The following SRPK2 variants were observed in gnomAD, a reference collection of about 807,000 sequenced individuals.
The protein encoded by SRPK2 is SFRS protein kinase 2.
In SRPK2, 21 loss-of-function variants were observed where a neutral mutation model predicts 90.8. The ratio of observed to expected loss-of-function variants is 0.23; its 90% confidence interval spans 0.16 to 0.33. The LOEUF is 0.33. SRPK2 is among the 10% of genes least tolerant of loss of function. The pLI is 1.00. For synonymous variants in SRPK2, 288 were observed against 311.1 expected, an observed-to-expected ratio of 0.93 and a Z score of 0.78; for missense variants, 620 against 869.0, an observed-to-expected ratio of 0.71 and a Z score of 3.60.
chr7:105,160,469 A>G (rs769418036), intron 7 of SRPK2, 38 bp downstream of exon 7: 1 of 1,210,340 alleles, frequency 8.3e-7, no homozygotes, highest in African/African-American at 1.5e-5. Context: ...CTAACCAATT[A>G]GGTACTAGGG....
intron 13 of SRPK2, among the ~76,000 whole-genome samples, chr7:105,129,447 T>C (rs1801682292): frequency 6.6e-6 from 1 of 152,110 alleles, no homozygotes; most frequent in Admixed American, 6.5e-5. Context: ...CAATTTTGGC[T>C]CACTACAACC....
At chr7:105,277,266 T>C (rs1056134074) in intron 2 of SRPK2, among the ~76,000 whole-genome samples, 2 of 152,048 alleles carry the variant, frequency 1.3e-5, no homozygotes, top group African/African-American at 2.4e-5. Context: ...TTAGGAGAGA[T>C]GGTGTTTCAC....
At chr7:105,166,732 T>G (rs931688618) in intron 6 of SRPK2, among the ~76,000 whole-genome samples, 2 of 152,220 alleles carry the variant, frequency 1.3e-5, no homozygotes, top group African/African-American at 4.8e-5. Context: ...ATGCATCATT[T>G]TACTTTTCCT....
intron 2 of SRPK2, among the ~76,000 whole-genome samples, chr7:105,327,450 C>T (rs1813722842): frequency 6.6e-6 from 1 of 152,190 alleles, no homozygotes; most frequent in South Asian, 2.1e-4. Context: ...AAGAAGTTTG[C>T]TAACCACTGC....
chr7:105,261,729 A>C (rs981337998), intron 2 of SRPK2, among the ~76,000 whole-genome samples: 2 of 152,198 alleles, frequency 1.3e-5, no homozygotes, highest in African/African-American at 4.8e-5. Context: ...TTTGTGATGA[A>C]AGCACTTCTA....
intron 2 of SRPK2, chr7:105,268,992 T>C: frequency 5.0e-6 from 7 of 1,390,544 alleles, no homozygotes; most frequent in Non-Finnish European, 6.6e-6. Context: ...TCGCAGTACT[T>C]CTGTTAGGAC....
At chr7:105,374,074 A>C (rs941499586) in intron 2 of SRPK2, among the ~76,000 whole-genome samples, 13 of 152,022 alleles carry the variant, frequency 8.6e-5, no homozygotes, top group Non-Finnish European at 1.8e-4. Context: ...ATTATGGCAC[A>C]TGCCACCACG....
intron 8 of SRPK2, 102 bp downstream of exon 8, chr7:105,146,391 T>G: frequency 8.0e-7 from 1 of 1,246,630 alleles, no homozygotes; most frequent in Non-Finnish European, 1.1e-6. Context: ...TTTTCCAAAA[T>G]CTTCCTTATG....
At chr7:105,227,203 A>G (rs952718232) in intron 2 of SRPK2, among the ~76,000 whole-genome samples, 5 of 152,202 alleles carry the variant, frequency 3.3e-5, no homozygotes, top group Non-Finnish European at 4.4e-5. Context: ...AACTTTTTCC[A>G]TAAGTTATTG....
At chr7:105,388,559 G>C (rs1221726284) in intron 2 of SRPK2, 89 bp downstream of exon 2, 14 of 1,216,556 alleles carry the variant, frequency 1.2e-5, no homozygotes, top group South Asian at 1.6e-5. Flanking sequence ...CCGCCGGCCC[G>C]GGGACCCGGA....
At chr7:105,392,182 C>G (rs1822198662), upstream of SRPK2, among the ~76,000 whole-genome samples, 1 of 152,018 alleles carries the variant, frequency 6.6e-6, no homozygotes, top group Non-Finnish European at 1.5e-5. Context: ...TGGTGGTTGC[C>G]AGGAGTTGGG....
At chr7:105,300,764 A>T (rs1810445447) in intron 2 of SRPK2, among the ~76,000 whole-genome samples, 1 of 152,244 alleles carries the variant, frequency 6.6e-6, no homozygotes, top group African/African-American at 2.4e-5. Flanking sequence ...CACATGAAAA[A>T]ATGCTCATCA....
At chr7:105,221,264 A>G (rs547121508) in intron 2 of SRPK2, among the ~76,000 whole-genome samples, 2 of 152,302 alleles carry the variant, frequency 1.3e-5, no homozygotes, top group East Asian at 3.9e-4. Flanking sequence ...CACTCCTGTC[A>G]CTAGAATTTG....
At chr7:105,386,297 G>A (rs1207433030) in intron 2 of SRPK2, among the ~76,000 whole-genome samples, 1 of 118,168 alleles carries the variant, frequency 8.5e-6, no homozygotes, top group East Asian at 2.5e-4. Flanking sequence ...CTGGGCAACA[G>A]AGCAAGACTC....
intron 2 of SRPK2, among the ~76,000 whole-genome samples, chr7:105,205,511 TCTCTCTCACACA>T (rs1256944600): frequency 6.2e-5 from 4 of 64,838 alleles, no homozygotes; most frequent in East Asian, 3.6e-4. Context: ...TCTCTCTCTC[TCTCTCTCACACA>T]CACACACACA....
chr7:105,369,665 AT>A (rs756757909), intron 2 of SRPK2, among the ~76,000 whole-genome samples: 15 of 152,100 alleles, frequency 9.9e-5, no homozygotes, highest in Non-Finnish European at 7.4e-5. Context: ...ATCATGCCCA[AT>A]CCCCCCAAAA....
intron 10 of SRPK2, among the ~76,000 whole-genome samples, chr7:105,142,881 A>G (rs1229549539): frequency 6.6e-6 from 1 of 152,260 alleles, no homozygotes; most frequent in Non-Finnish European, 1.5e-5. Context: ...TTTAAAAACT[A>G]TTTTGAAATG....
intron 2 of SRPK2, among the ~76,000 whole-genome samples, chr7:105,305,381 G>A (rs1480806398): frequency 6.6e-6 from 1 of 150,782 alleles, no homozygotes; most frequent in African/African-American, 2.4e-5. Context: ...AAGAGGCAGA[G>A]GTTGCAGTGA....
intron 3 of SRPK2, among the ~76,000 whole-genome samples, chr7:105,174,129 A>G (rs1187807749): frequency 1.3e-5 from 2 of 151,948 alleles, no homozygotes; most frequent in Non-Finnish European, 2.9e-5. Flanking sequence ...AAAGAGAACA[A>G]GAACAAACTG....
Sources: allele counts gnomAD v4.1 joint callset (sites outside exome capture counted in the v4.1 genomes callset), GRCh38; gene constraint gnomAD v4.1.1; transcripts MANE v1.5; gene names NCBI Gene and HGNC (gene_info 2026-07-23, HGNC 2026-07-21).